Variants in TAFA2 observed in about 807,000 individuals in gnomAD.
TAFA2 encodes chemokine-like protein TAFA-2.
In TAFA2, 7 loss-of-function variants were observed where a neutral mutation model predicts 18.8. The observed-to-expected ratio is 0.37, with a 90% CI of 0.21 to 0.70. TAFA2 has a LOEUF of 0.70. TAFA2 is among the 30% of genes least tolerant of loss of function. The pLI is 0.53. For missense variants in TAFA2, 122 were observed against 158.1 expected, an observed-to-expected ratio of 0.77 and a Z score of 1.23; for synonymous variants, 60 against 54.2, an observed-to-expected ratio of 1.11 and a Z score of -0.47.
intron 4 of TAFA2, among the ~76,000 whole-genome samples, chr12:61,727,010 C>T (rs1422523434): frequency 2.0e-5 from 3 of 151,770 alleles, no homozygotes; most frequent in African/African-American, 7.3e-5. Context: ...TTTTAATTCT[C>T]TTTATGTGAT....
intron 1 of TAFA2, among the ~76,000 whole-genome samples, chr12:61,956,580 G>GT (rs920266272): frequency 2.8e-5 from 4 of 145,114 alleles, no homozygotes; most frequent in Admixed American, 7.0e-5. Context: ...AACAGATGGT[G>GT]TTTTTTTGGT....
At chr12:62,142,969 G>A (rs2062250359) in intron 1 of TAFA2, among the ~76,000 whole-genome samples, 1 of 152,152 alleles carries the variant, frequency 6.6e-6, no homozygotes, top group African/African-American at 2.4e-5. Flanking sequence ...AGCACAGAGA[G>A]GTCAAGGAAT....
chr12:61,777,479 G>T (rs1870313925), intron 2 of TAFA2, among the ~76,000 whole-genome samples: 1 of 151,704 alleles, frequency 6.6e-6, no homozygotes, highest in Admixed American at 6.6e-5. Context: ...GCAATCTTCA[G>T]GATAATAGGT....
At chr12:62,137,747 A>C (rs2136903189) in intron 1 of TAFA2, among the ~76,000 whole-genome samples, 1 of 152,050 alleles carries the variant, frequency 6.6e-6, no homozygotes, top group Non-Finnish European at 1.5e-5. Flanking sequence ...TTCCTCCCTG[A>C]CCCTCATACA....
chr12:61,893,459 C>T lies in TAFA2; in HGVS notation c.-1-26033G>A, dbSNP rs79681202. 1.2e-3 allele frequency among the ~76,000 whole-genome samples: 188 copies of T among 152,074 alleles called. 5 individuals are homozygous for T. In the East Asian group the frequency reaches 0.026, roughly 21 times the overall value. ...CACGTAGGGTTGGGGAGATACAGGA[C>T]GATGTGTGTGTGAAATGGAAATGAT... On this transcript the variant is annotated intron_variant, in intron 1 of 4. Transcript: ENST00000416284.
intron 1 of TAFA2, among the ~76,000 whole-genome samples, chr12:62,137,964 A>AG (rs1369232511): frequency 6.6e-6 from 1 of 152,026 alleles, no homozygotes; most frequent in Non-Finnish European, 1.5e-5. Context: ...CCTCCTGTCT[A>AG]GCCTCATTAG....
At chr12:61,762,466 T>C (rs1237866587) in intron 2 of TAFA2, among the ~76,000 whole-genome samples, 5 of 152,006 alleles carry the variant, frequency 3.3e-5, no homozygotes, top group Non-Finnish European at 5.9e-5. Flanking sequence ...TGAGATAATG[T>C]GTGTGAAGCT....
chr12:61,858,609 T>C (rs1873986581), intron 2 of TAFA2, among the ~76,000 whole-genome samples: 1 of 152,146 alleles, frequency 6.6e-6, no homozygotes, highest in Admixed American at 6.5e-5. Flanking sequence ...GTTGCATTTA[T>C]ATGTTTTTCC....
At chr12:61,930,863 G>A (rs547429301) in intron 1 of TAFA2, among the ~76,000 whole-genome samples, 76 of 152,272 alleles carry the variant, frequency 5.0e-4, no homozygotes, top group Non-Finnish European at 9.3e-4. Context: ...TGGTACACAC[G>A]GGATTAGCAC....
At chr12:62,121,181 T>G (rs1163921347) in intron 1 of TAFA2, among the ~76,000 whole-genome samples, 1 of 152,156 alleles carries the variant, frequency 6.6e-6, no homozygotes, top group Non-Finnish European at 1.5e-5. Flanking sequence ...ACATTCCCTA[T>G]GAATCCCTCT....
At chr12:61,790,644 G>A (rs1253405917) in intron 2 of TAFA2, among the ~76,000 whole-genome samples, 1 of 151,596 alleles carries the variant, frequency 6.6e-6, no homozygotes, top group African/African-American at 2.4e-5. Flanking sequence ...ATACCTAGGA[G>A]TAAATTTAAC....
intron 1 of TAFA2, among the ~76,000 whole-genome samples, chr12:62,175,907 A>T (rs1027974645): frequency 4.1e-5 from 6 of 147,514 alleles, no homozygotes; most frequent in Non-Finnish European, 8.8e-5. Flanking sequence ...AATTTGCCTG[A>T]TACCTCTCAT....
chr12:62,154,164 T>C (rs984365534), intron 1 of TAFA2, among the ~76,000 whole-genome samples: 6 of 151,660 alleles, frequency 4.0e-5, no homozygotes, highest in African/African-American at 1.5e-4. Context: ...AGTCCAGGAG[T>C]AAAGGGCTGC....
chr12:61,950,673 CA>C (rs1275352107), intron 1 of TAFA2, among the ~76,000 whole-genome samples: 1 of 152,028 alleles, frequency 6.6e-6, no homozygotes, highest in Non-Finnish European at 1.5e-5. Context: ...AAACCCTTAT[CA>C]GATATATAAT....
intron 4 of TAFA2, among the ~76,000 whole-genome samples, chr12:61,731,770 A>G (rs1401655078): frequency 6.6e-6 from 1 of 152,144 alleles, no homozygotes; most frequent in Non-Finnish European, 1.5e-5. Flanking sequence ...CAGAAAAATT[A>G]AGTGAAACTT....
intron 2 of TAFA2, among the ~76,000 whole-genome samples, chr12:61,857,213 A>G (rs17125431): frequency 0.02 from 3,069 of 152,242 alleles, 82 homozygotes; most frequent in African/African-American, 0.069. Flanking sequence ...AATTAATAAT[A>G]GAAACATTGA....
At chr12:61,824,756 T>C (rs1486963647) in intron 2 of TAFA2, among the ~76,000 whole-genome samples, 6 of 152,314 alleles carry the variant, frequency 3.9e-5, no homozygotes, top group Admixed American at 1.3e-4. Context: ...TCCTGTTTTA[T>C]AAAAACTGCA....
intron 1 of TAFA2, among the ~76,000 whole-genome samples, chr12:62,084,270 T>G (rs1868371932): frequency 6.6e-6 from 1 of 152,192 alleles, no homozygotes; most frequent in African/African-American, 2.4e-5. Context: ...GCTTGATACT[T>G]AAATACCTAA....
chr12:61,982,503 A>AT (rs1271945421), intron 1 of TAFA2, among the ~76,000 whole-genome samples: 1 of 152,036 alleles, frequency 6.6e-6, no homozygotes, highest in Non-Finnish European at 1.5e-5. Context: ...TTTCTTTTTA[A>AT]TTTTTTTAAC....
Sources: allele counts gnomAD v4.1 joint callset (sites outside exome capture counted in the v4.1 genomes callset), GRCh38; gene constraint gnomAD v4.1.1; transcripts MANE v1.5; gene names NCBI Gene and HGNC (gene_info 2026-07-23, HGNC 2026-07-21).